The following GLRA2 variants were observed in gnomAD, a reference collection of about 807,000 sequenced individuals.
The protein encoded by GLRA2 is glycine receptor alpha 2.
Under a neutral mutation model 31.6 loss-of-function variants are expected in GLRA2, and 11 were observed. The observed-to-expected ratio is 0.35, with a 90% confidence interval of 0.22 to 0.58. GLRA2 has a LOEUF of 0.58. Ranked by LOEUF, GLRA2 falls within the 20% of genes least tolerant of loss-of-function variation. The pLI is 0.84. For missense variants in GLRA2, 212 were observed against 351.8 expected (o/e 0.60, Z 3.18); for synonymous variants, 132 against 134.0 (o/e 0.99, Z 0.10).
chrX:14,671,985 T>C (rs2091098339), intron 7 of GLRA2, among the ~76,000 whole-genome samples: 1 of 112,122 alleles, frequency 8.9e-6, no homozygotes, highest in Non-Finnish European at 1.9e-5. Context: ...CATACTGCTA[T>C]TGATGTGGTT....
At chrX:14,508,849 A>G in the GLRA2 span, among the ~76,000 whole-genome samples, 7 of 111,945 alleles carry the variant, frequency 6.3e-5, no homozygotes, top group African/African-American at 2.3e-4. Context: ...TGGTAGAACC[A>G]GGATTCAAAC....
At chrX:14,690,358 T>C (rs1389327559) in intron 7 of GLRA2, among the ~76,000 whole-genome samples, 1 of 111,923 alleles carries the variant, frequency 8.9e-6, no homozygotes, top group African/African-American at 3.2e-5. Flanking sequence ...GTACACATCA[T>C]GGAATGTCTA....
At chrX:14,683,888 A>C (rs940067541) in intron 7 of GLRA2, among the ~76,000 whole-genome samples, 1 of 109,980 alleles carries the variant, frequency 9.1e-6, no homozygotes, top group Non-Finnish European at 1.9e-5. Flanking sequence ...CCTAAAACTT[A>C]AAGTATAATA....
At chrX:14,633,553 G>A (rs1418705486) in intron 7 of GLRA2, among the ~76,000 whole-genome samples, 3 of 111,998 alleles carry the variant, frequency 2.7e-5, no homozygotes, top group Non-Finnish European at 3.8e-5. Flanking sequence ...CAATATCTAA[G>A]CTGATGTATT....
At chrX:14,625,485 C>T (rs2090578081) in intron 7 of GLRA2, among the ~76,000 whole-genome samples, 2 of 111,506 alleles carry the variant, frequency 1.8e-5, no homozygotes, top group African/African-American at 6.5e-5. Context: ...GTGGCTGGTA[C>T]TGGTTGTTCC....
At chrX:14,533,092 GA>G (rs747790330) in intron 2 of GLRA2, among the ~76,000 whole-genome samples, 38 of 110,374 alleles carry the variant, frequency 3.4e-4, no homozygotes, top group African/African-American at 1.0e-3. Context: ...TTCTGAATCA[GA>G]AAAAAAGAAT....
the GLRA2 span, among the ~76,000 whole-genome samples, chrX:14,502,512 T>A: frequency 8.9e-6 from 1 of 111,774 alleles, no homozygotes; most frequent in Non-Finnish European, 1.9e-5. Flanking sequence ...TTCTTATGAT[T>A]TGTGTTGGTT....
intron 8 of GLRA2, among the ~76,000 whole-genome samples, chrX:14,706,112 CTTGGT>C (rs1250776538): frequency 1.1e-4 from 9 of 79,773 alleles, no homozygotes; most frequent in Non-Finnish European, 2.5e-4. Context: ...GCCCAGACAT[CTTGGT>C]TTTATAAGGC....
chrX:14,491,110 AATAAT>A, the GLRA2 span, among the ~76,000 whole-genome samples: 15 of 112,073 alleles, frequency 1.3e-4, no homozygotes, highest in Non-Finnish European at 2.6e-4. Context: ...ATGGTCAGAA[AATAAT>A]ATATTTCTAG....
Position 14,600,992 on chromosome X carries a change from TTTG to T in GLRA2, c.495-3314_495-3312del, listed in dbSNP as rs1171964147. ...TTTTCACCTTTAATAAGGTGTCAGC[TTTG>T]TTGTTGTTTTTTTTTTTGTTTGTTT... On this transcript the variant is annotated intron_variant, in intron 4 of 8. Transcript: ENST00000218075. 1.9e-4 allele frequency among the ~76,000 whole-genome samples: 12 copies of T among 62,083 alleles called. No homozygotes were observed. In the South Asian group the frequency reaches 5.3e-3, roughly 27 times the overall value. 53.9% of individuals were successfully genotyped at this position (62,083 alleles called of 115,157 possible). A position where few individuals can be genotyped will look rare whatever the true frequency, so the allele number is the denominator to read the frequency against.
intron 8 of GLRA2, among the ~76,000 whole-genome samples, chrX:14,694,603 G>A (rs2091413745): frequency 8.9e-6 from 1 of 111,958 alleles, no homozygotes; most frequent in South Asian, 3.7e-4. Flanking sequence ...ACTATAGGTG[G>A]AAATGTTGAT....
chrX:14,581,715 A>G (rs182372759), intron 4 of GLRA2, among the ~76,000 whole-genome samples: 36 of 110,237 alleles, frequency 3.3e-4, no homozygotes, highest in Admixed American at 3.2e-3. Flanking sequence ...ATTAAGCATA[A>G]TATACAAAAT....
chrX:14,519,011 CAAAAAAAAAAAAAAA>C, the GLRA2 span, among the ~76,000 whole-genome samples: 2 of 27,260 alleles, frequency 7.3e-5, no homozygotes, highest in Admixed American at 9.3e-4. Context: ...GACTCGGTCT[CAAAAAAAAAAAAAAA>C]AAAAAAAAGG....
At chrX:14,696,144 AG>A (rs1473789648) in intron 8 of GLRA2, among the ~76,000 whole-genome samples, 1 of 102,466 alleles carries the variant, frequency 9.8e-6, no homozygotes, top group African/African-American at 3.5e-5. Context: ...GGAAGAAGGA[AG>A]GAAGAAAGAA....
At chrX:14,679,155 T>C (rs2091173940) in intron 7 of GLRA2, among the ~76,000 whole-genome samples, 1 of 108,673 alleles carries the variant, frequency 9.2e-6, no homozygotes, top group Non-Finnish European at 1.9e-5. Flanking sequence ...AGAAGAAAGC[T>C]ATAGGAGTGG....
chrX:14,480,271 T>C, the GLRA2 span, among the ~76,000 whole-genome samples: 2 of 112,220 alleles, frequency 1.8e-5, no homozygotes, highest in Non-Finnish European at 3.8e-5. Flanking sequence ...TAGACCTTTG[T>C]CAGATGCATA....
chrX:14,675,275 G>C (rs2091133923), intron 7 of GLRA2, among the ~76,000 whole-genome samples: 1 of 111,422 alleles, frequency 9.0e-6, no homozygotes, highest in African/African-American at 3.3e-5. Context: ...GTGTATTCTA[G>C]GGCTGGCAGT....
At chrX:14,473,193 A>G in the GLRA2 span, among the ~76,000 whole-genome samples, 3 of 111,768 alleles carry the variant, frequency 2.7e-5, no homozygotes, top group Admixed American at 9.5e-5. Context: ...CCATGGGAAC[A>G]CATGTTTGAC....
chrX:14,577,169 T>C (rs1310732882), intron 3 of GLRA2, among the ~76,000 whole-genome samples: 1 of 112,831 alleles, frequency 8.9e-6, no homozygotes, highest in East Asian at 2.8e-4. Flanking sequence ...AAAGCAGCCA[T>C]AAACAATAGT....
Sources: gnomAD v4.1 joint callset for allele counts (sites outside exome capture counted in the v4.1 genomes callset) on GRCh38, gnomAD v4.1.1 for gene constraint, MANE v1.5 for transcripts, NCBI Gene and HGNC (gene_info 2026-07-23, HGNC 2026-07-21) for gene names.